Variants in PHACTR2 observed in about 807,000 individuals in gnomAD.
The protein encoded by PHACTR2 is chromosome 6 open reading frame 56.
A neutral mutation model predicts 76.0 loss-of-function variants in PHACTR2; 30 were observed. The ratio of observed to expected loss-of-function variants is 0.39; its 90% confidence interval spans 0.30 to 0.54. PHACTR2 has a LOEUF of 0.54. Ranked by LOEUF, PHACTR2 falls within the 20% of genes least tolerant of loss-of-function variation. The pLI is 0.61. For missense variants in PHACTR2, 696 were observed against 781.1 expected, an observed-to-expected ratio of 0.89 and a Z score of 1.30; for synonymous variants, 292 against 292.5, an observed-to-expected ratio of 1.00 and a Z score of 0.02.
At chr6:143,644,974 C>G (rs564055635) in intron 1 of PHACTR2, among the ~76,000 whole-genome samples, 1 of 151,776 alleles carries the variant, frequency 6.6e-6, no homozygotes, top group African/African-American at 2.4e-5. Context: ...TCCCTCACCC[C>G]CTTCCCACCC....
In PHACTR2 at chr6:143,658,974, A is replaced by T. The variant is rs1022921059; in HGVS notation, c.13+50652A>T. Reference sequence around the variant, plus strand: ...AGGAGGTGGAGGCTGAAGTGAGCTGAGATCATGCCACTGCACTCCAGCCTG... The same window carrying T: ...AGGAGGTGGAGGCTGAAGTGAGCTGTGATCATGCCACTGCACTCCAGCCTG... On this transcript the variant is annotated intron_variant, in intron 1 of 11. Coordinates refer to the PHACTR2 transcript ENST00000305766. This position sits in a 1 kb window ranked among gnomAD's most constrained non-coding sequence, Gnocchi z 4.1. Among the ~76,000 whole-genome samples the T allele has an allele frequency of 6.6e-6, 1 of 151,684 alleles. No individual in the cohort carries two copies.
chr6:143,772,226 A>T lies in PHACTR2; in HGVS notation c.1233-32A>T. ...GCCGCCAAGGGTTGCTCTGAGCTTC[A>T]CATCACTCCCATGCTTTTCTGCCTT... On this transcript the variant is annotated intron_variant, in intron 6 of 12. Coordinates refer to ENST00000440869, the MANE Select transcript of PHACTR2 (RefSeq NM_001100164.2). The surrounding 1 kb of genome is among the most constrained non-coding windows in gnomAD (Gnocchi z 5.4). The T allele has an allele frequency of 6.5e-7, 1 of 1,543,100 alleles. No homozygotes were observed.
At chr6:143,748,318 C>T (rs1420153825) in intron 2 of PHACTR2, among the ~76,000 whole-genome samples, 1 of 152,210 alleles carries the variant, frequency 6.6e-6, no homozygotes, top group East Asian at 1.9e-4. Flanking sequence ...CCCACCTCGG[C>T]CCCCGCCAAA....
rs1180978087 is a variant in PHACTR2, at chr6:143,820,464, GT to G, written c.1923-3209del. Among the ~76,000 whole-genome samples, 1 of 152,188 alleles carries G rather than the reference GT, an allele frequency of 6.6e-6. No homozygotes were observed. The highest frequency in any genetic ancestry group is 1.5e-5 in the Non-Finnish European group (1 of 68,034). On this transcript the variant is annotated intron_variant, in intron 12 of 12. Transcript: ENST00000440869. This position sits in a 1 kb window ranked among gnomAD's most constrained non-coding sequence, Gnocchi z 4.2. ...AAAGGGAGAAATCAGACAAAAGAAG[GT>G]GGCTACAGGCCCCATGCAAGTTCAA...
chr6:143,719,430 A>G (rs1582807957), intron 2 of PHACTR2, among the ~76,000 whole-genome samples: 1 of 141,848 alleles, frequency 7.0e-6, no homozygotes, highest in Middle Eastern at 4.2e-3. Flanking sequence ...ACTCACTGCA[A>G]CCTCCACCTC....
rs1216801282 is a variant in PHACTR2, at chr6:143,633,770, T to C, written c.13+25448T>C. 3.3e-5 allele frequency among the ~76,000 whole-genome samples: 5 copies of C among 152,194 alleles called. No individual in the cohort carries two copies. The highest frequency in any genetic ancestry group is 9.7e-5 in the African/African-American group (4 of 41,446). On this transcript the variant is annotated intron_variant, in intron 1 of 11. Transcript: ENST00000305766. The surrounding 1 kb of genome is among the most constrained non-coding windows in gnomAD (Gnocchi z 4.1). ...ACGTTATCTTCTGGGAATTCTGTAG[T>C]TTTGTACTTTATATTTAGATCCATA...
intron 1 of PHACTR2, among the ~76,000 whole-genome samples, chr6:143,701,478 G>A (rs1043760112): frequency 2.0e-5 from 3 of 152,218 alleles, no homozygotes; most frequent in Non-Finnish European, 4.4e-5. Flanking sequence ...CAGCAAAACA[G>A]TACCTACCCT....
At position 143,679,510 on chromosome 6, in the gene PHACTR2, T is replaced by G. The variant is rs561321628; in HGVS notation, c.46+1301T>G. 6.6e-6 allele frequency among the ~76,000 whole-genome samples: 1 copy of G among 152,316 alleles called. No individual in the cohort carries two copies. Among genetic ancestry groups the G allele is most frequent in the African/African-American group, 2.4e-5 (1 of 41,568 alleles). On this transcript the variant is annotated intron_variant, in intron 1 of 12. Coordinates refer to ENST00000440869, the MANE Select transcript of PHACTR2 (RefSeq NM_001100164.2). This position sits in a 1 kb window ranked among gnomAD's most constrained non-coding sequence, Gnocchi z 4.6. ...TTTCCTTTGTCTTACCTTAAAGTGG[T>G]GTGAGACTTCTTTTCATTTCAAGGA...
intron 11 of PHACTR2, among the ~76,000 whole-genome samples, chr6:143,796,276 T>C (rs1168557552): frequency 6.6e-6 from 1 of 152,172 alleles, no homozygotes; most frequent in Non-Finnish European, 1.5e-5. Context: ...CCCATCATAA[T>C]TTTATCCAAG....
intron 2 of PHACTR2, among the ~76,000 whole-genome samples, chr6:143,746,972 G>A (rs1394931401): frequency 6.6e-6 from 1 of 152,190 alleles, no homozygotes; most frequent in African/African-American, 2.4e-5. Flanking sequence ...AGGGAGGGAA[G>A]CCTTCTGTGT....
chr6:143,637,963 A>C (rs997623912), intron 1 of PHACTR2, among the ~76,000 whole-genome samples: 3 of 152,224 alleles, frequency 2.0e-5, no homozygotes, highest in Non-Finnish European at 4.4e-5. Context: ...CTTGAACACC[A>C]GGAGGCAGTG....
intron 1 of PHACTR2, among the ~76,000 whole-genome samples, chr6:143,651,002 AC>A (rs1776754794): frequency 6.6e-6 from 1 of 152,130 alleles, no homozygotes; most frequent in Non-Finnish European, 1.5e-5. Context: ...AAAAAAACAA[AC>A]AACCCCATTA....
rs1260620505 is a variant in PHACTR2 at position 143,803,179 on chromosome 6, G to A, written c.1846-3878G>A. Among the ~76,000 whole-genome samples the A allele has an allele frequency of 3.3e-5, 5 of 152,118 alleles. No homozygotes were observed. Among genetic ancestry groups the A allele is most frequent in the South Asian group, 2.1e-4 (1 of 4,818 alleles). ...TGTTTAGAGAAAGAAAGTGCACCTC[G>A]CTGCCAGTGCTGATTTAATTTTACA... On this transcript the variant is annotated intron_variant, in intron 11 of 12. Transcript: ENST00000440869. This position sits in a 1 kb window ranked among gnomAD's most constrained non-coding sequence, Gnocchi z 4.7.
intron 10 of PHACTR2, among the ~76,000 whole-genome samples, chr6:143,786,372 A>G (rs1321968316): frequency 6.6e-6 from 1 of 152,218 alleles, no homozygotes; most frequent in Non-Finnish European, 1.5e-5. Flanking sequence ...TATTGTCCAT[A>G]TTGCTATCAG....
chr6:143,666,114 G>A (rs1777029822), intron 1 of PHACTR2, among the ~76,000 whole-genome samples: 1 of 149,722 alleles, frequency 6.7e-6, no homozygotes, highest in Admixed American at 6.6e-5. Flanking sequence ...ACTTATGAGT[G>A]AGAACATGTG....
intron 1 of PHACTR2, among the ~76,000 whole-genome samples, chr6:143,638,637 T>TAAA (rs1582725192): frequency 1.3e-5 from 2 of 151,958 alleles, no homozygotes; most frequent in East Asian, 3.9e-4. Context: ...TTTCATTTTA[T>TAAA]ATTAAGCATT....
rs1390178014 is a variant in PHACTR2, at chr6:143,795,614, G to A, written c.1845+6704G>A. On this transcript the variant is annotated intron_variant, in intron 11 of 12. Transcript: ENST00000440869. The surrounding 1 kb of genome is among the most constrained non-coding windows in gnomAD (Gnocchi z 4.8). ...CCTGAAGACCTAGGCTTGCCTGCCA[G>A]TAACCATCTCCTTAGAGTAGAACTT... Among the ~76,000 whole-genome samples, 1 of 152,192 alleles carries A rather than the reference G, an allele frequency of 6.6e-6. No homozygotes were observed. Among genetic ancestry groups the A allele is most frequent in the African/African-American group, 2.4e-5 (1 of 41,460 alleles).
intron 6 of PHACTR2, among the ~76,000 whole-genome samples, chr6:143,771,092 A>G (rs1275765830): frequency 7.2e-5 from 10 of 138,216 alleles, no homozygotes; most frequent in Non-Finnish European, 1.6e-4. Flanking sequence ...CTATTTACAT[A>G]TTGGGATAAA....
rs975431188 is a variant in PHACTR2, at chr6:143,738,107, G to A, written c.215-10878G>A. ...CATGGCTCAACTCAATAAAAAATAG[G>A]CTTTTAAAGATTATACATTTTTGGC... On this transcript the variant is annotated intron_variant, in intron 2 of 12. Coordinates refer to ENST00000440869, the MANE Select transcript of PHACTR2 (RefSeq NM_001100164.2). The surrounding 1 kb of genome is among the most constrained non-coding windows in gnomAD (Gnocchi z 4.0). Among the ~76,000 whole-genome samples, 10 of 152,110 alleles carry A rather than the reference G, an allele frequency of 6.6e-5. No homozygotes were observed. The highest frequency in any genetic ancestry group is 2.4e-4 in the African/African-American group (10 of 41,428).
Sources: allele counts gnomAD v4.1 joint callset (sites outside exome capture counted in the v4.1 genomes callset), GRCh38; gene constraint gnomAD v4.1.1; non-coding constraint Gnocchi (gnomAD v3.1); transcripts MANE v1.5; gene names NCBI Gene and HGNC (gene_info 2026-07-23, HGNC 2026-07-21).